Variants in PASD1 observed in about 807,000 individuals in gnomAD.
The protein encoded by PASD1 is PAS domain containing repressor 1.
A neutral mutation model predicts 58.8 loss-of-function variants in PASD1; 13 were observed. The observed-to-expected ratio is 0.22, with a 90% CI of 0.14 to 0.35. PASD1 has a LOEUF of 0.35. Ranked by LOEUF, PASD1 falls within the 10% of genes least tolerant of loss-of-function variation. The pLI, the probability that PASD1 is intolerant of heterozygous loss-of-function variation, is 1.00. For missense variants in PASD1, 734 were observed against 568.3 expected (o/e 1.29, Z -2.96); for synonymous variants, 236 against 216.7 (o/e 1.09, Z -0.78).
chrX:151,653,315 C>T (rs1467555557), intron 9 of PASD1, among the ~76,000 whole-genome samples: 1 of 109,250 alleles, frequency 9.2e-6, no homozygotes. Context: ...GCCTCAGCCT[C>T]CCAAGTAGCT....
intron 8 of PASD1, among the ~76,000 whole-genome samples, chrX:151,641,705 G>A (rs1489007555): frequency 1.8e-5 from 2 of 111,030 alleles, no homozygotes; most frequent in African/African-American, 6.6e-5. Context: ...TGGTGCTCAG[G>A]ATAGGGAATT....
intron 11 of PASD1, among the ~76,000 whole-genome samples, chrX:151,665,073 G>A (rs1022229203): frequency 2.7e-5 from 3 of 112,074 alleles, no homozygotes; most frequent in African/African-American, 9.7e-5. Context: ...AGTGACTCCG[G>A]TTCAAAAGGA....
intron 1 of PASD1, among the ~76,000 whole-genome samples, chrX:151,580,583 A>C (rs1256104287): frequency 9.5e-6 from 1 of 105,039 alleles, no homozygotes; most frequent in African/African-American, 3.5e-5. Context: ...AGAATTCATG[A>C]GACTGAAAAT....
chrX:151,671,291 A>T, intron 12 of PASD1, 95 bp downstream of exon 12: 1 of 998,785 alleles, frequency 1.0e-6, no homozygotes, highest in South Asian at 2.3e-5. Flanking sequence ...TTAAGGAGTT[A>T]GTCAATGGTG....
chrX:151,571,672 A>G (rs978706315), intron 1 of PASD1, among the ~76,000 whole-genome samples: 1 of 112,075 alleles, frequency 8.9e-6, no homozygotes, highest in African/African-American at 3.2e-5. Flanking sequence ...TGTTTCATTG[A>G]TGCCTAAGCA....
At chrX:151,656,296 C>T in intron 9 of PASD1, among the ~76,000 whole-genome samples, 1 of 111,810 alleles carries the variant, frequency 8.9e-6, no homozygotes, top group Middle Eastern at 4.6e-3. Context: ...CATGATGCCT[C>T]CAGCTTTGTT....
Position 151,671,698 on chromosome X carries a change from C to T in PASD1, c.1356C>T (p.Val452=). 3 of 1,210,755 alleles carry T rather than the reference C, an allele frequency of 2.5e-6. No homozygotes were observed. The South Asian group carries it at 5.3e-5, about 21-fold the overall frequency. Residue 452 remains valine (V), a synonymous_variant, in exon 13 of 16, where the codon GTC becomes GTT. Coordinates refer to ENST00000370357, the MANE Select transcript of PASD1 (RefSeq NM_173493.3). ...VKRPLPHPKD[V]KCFCGLSLSN... ...GGCCTCTCCCACATCCCAAGGACGT[C>T]AAGTGTTTCTGTGGTTTATCTTTAT... is the stretch of plus-strand genomic sequence containing the variant.
At chrX:151,671,280 C>T in intron 12 of PASD1, 84 bp downstream of exon 12, 1 of 1,067,686 alleles carries the variant, frequency 9.4e-7, no homozygotes, top group African/African-American at 1.8e-5. Flanking sequence ...CTTGGCAAGC[C>T]TTAAGGAGTT....
intron 15 of PASD1, among the ~76,000 whole-genome samples, chrX:151,675,486 C>G (rs778902579): frequency 4.5e-5 from 5 of 112,207 alleles, no homozygotes. Context: ...GCAACATAAC[C>G]CAAGGAATCC....
intron 9 of PASD1, among the ~76,000 whole-genome samples, chrX:151,658,811 AG>A (rs1234410564): frequency 8.9e-6 from 1 of 112,493 alleles, no homozygotes; most frequent in Non-Finnish European, 1.9e-5. Context: ...ATATTTTGTC[AG>A]GGATGTAAAA....
chrX:151,590,884 T>C (rs992679769), intron 1 of PASD1, among the ~76,000 whole-genome samples: 1 of 112,409 alleles, frequency 8.9e-6, no homozygotes, highest in African/African-American at 3.2e-5. Flanking sequence ...TTCACTTTGA[T>C]TCTAATTCAG....
At chrX:151,601,688 C>A in intron 2 of PASD1, 107 bp downstream of exon 2, 1 of 823,045 alleles carries the variant, frequency 1.2e-6, no homozygotes, top group Non-Finnish European at 1.8e-6. Flanking sequence ...GCCTGATTCA[C>A]TCAGAGAAAT....
At chrX:151,578,236 C>G (rs1042690023) in intron 1 of PASD1, 1 of 112,212 alleles carries the variant, frequency 8.9e-6, no homozygotes, top group Admixed American at 9.4e-5. Flanking sequence ...AAATGTTCTC[C>G]GCTAAGGAAC....
chrX:151,607,042 C>G (rs1029103212), intron 3 of PASD1, among the ~76,000 whole-genome samples: 3 of 111,606 alleles, frequency 2.7e-5, no homozygotes, highest in Non-Finnish European at 5.6e-5. Flanking sequence ...ATTACCAGAT[C>G]CTTTGAAATC....
At chrX:151,594,221 C>A (rs769491993) in intron 1 of PASD1, among the ~76,000 whole-genome samples, 1 of 111,491 alleles carries the variant, frequency 9.0e-6, no homozygotes, top group South Asian at 3.8e-4. Context: ...GATCCACCCA[C>A]CTCAGCCTCC....
Position 151,572,964 on chromosome X carries a change from C to T in PASD1, c.-28+9125C>T, listed in dbSNP as rs772609243. Among the ~76,000 whole-genome samples, 8 of 93,758 alleles carry T rather than the reference C, an allele frequency of 8.5e-5. No homozygotes were observed. In the South Asian group the frequency reaches 4.2e-3, roughly 49 times the overall value. 81.4% of individuals were successfully genotyped at this position (93,758 alleles called of 115,157 possible). A position where few individuals can be genotyped will look rare whatever the true frequency, so the allele number is the denominator to read the frequency against. On this transcript the variant is annotated intron_variant, in intron 1 of 15. Transcript: ENST00000370357. ...CTTTTACTCATGGTGGAAAGTGAAG[C>T]GGGAGCTTACACATCATGTGGCTAG...
At chrX:151,661,234 G>A (rs749528794) in intron 10 of PASD1, among the ~76,000 whole-genome samples, 1 of 111,759 alleles carries the variant, frequency 8.9e-6, no homozygotes, top group East Asian at 2.8e-4. Flanking sequence ...GAAGAATTTA[G>A]CCAACAGTCT....
intron 1 of PASD1, among the ~76,000 whole-genome samples, chrX:151,594,172 A>G (rs2013286939): frequency 9.1e-6 from 1 of 110,328 alleles, no homozygotes; most frequent in Admixed American, 9.6e-5. Flanking sequence ...ACCGGGTTTC[A>G]CTGTGTTAGC....
chrX:151,658,812 G>A (rs1029622149), intron 9 of PASD1, among the ~76,000 whole-genome samples: 5 of 112,257 alleles, frequency 4.5e-5, no homozygotes, highest in Non-Finnish European at 9.4e-5. Flanking sequence ...TATTTTGTCA[G>A]GGATGTAAAA....
Sources: gnomAD v4.1 joint callset for allele counts (sites outside exome capture counted in the v4.1 genomes callset) on GRCh38, gnomAD v4.1.1 for gene constraint, MANE v1.5 for transcripts, NCBI Gene and HGNC (gene_info 2026-07-23, HGNC 2026-07-21) for gene names.